RBFOX1: variants seen among roughly 807,000 people sequenced by gnomAD.
The protein encoded by RBFOX1 is RNA binding protein fox-1 homolog 1.
A neutral mutation model predicts 57.7 loss-of-function variants in RBFOX1; 8 were observed. The ratio of observed to expected loss-of-function variants is 0.14; its 90% confidence interval spans 0.08 to 0.25. RBFOX1 has a LOEUF of 0.25. Among genes scored for constraint, RBFOX1 ranks in the 10% least tolerant of loss-of-function variants. RBFOX1 has a pLI of 1.00. For missense variants in RBFOX1, 611 were observed against 548.5 expected (o/e 1.11, Z -1.14); for synonymous variants, 326 against 222.4 (o/e 1.47, Z -4.15).
At position 6,774,733 on chromosome 16, in the gene RBFOX1, ATTAG is replaced by A. The variant is rs137932281; in HGVS notation, c.-16+120087_-16+120090del. ...TAATTTTATAATACTAATTATAACT[ATTAG>A]TTAATTAGTTCAACTGTTGAGTTGA... On this transcript the variant is annotated intron_variant, in intron 3 of 15. Transcript: ENST00000550418. 0.023 allele frequency among the ~76,000 whole-genome samples: 3,475 copies of A among 152,090 alleles called. 255 individuals are homozygous for A. The East Asian group carries it at 0.28, about 12-fold the overall frequency.
At chr16:7,624,287 A>T (rs750447437) in intron 10 of RBFOX1, among the ~76,000 whole-genome samples, 1 of 152,250 alleles carries the variant, frequency 6.6e-6, no homozygotes. Context: ...TTATGATAGA[A>T]TTATATAGCA....
chr16:7,621,231 C>T (rs1196003320), intron 10 of RBFOX1, among the ~76,000 whole-genome samples: 1 of 152,082 alleles, frequency 6.6e-6, no homozygotes, highest in Non-Finnish European at 1.5e-5. Flanking sequence ...AATTGATAGA[C>T]CTCCACAAAT....
chr16:5,964,131 T>C (rs1420851174), intron 4 of RBFOX1, among the ~76,000 whole-genome samples: 2 of 152,060 alleles, frequency 1.3e-5, no homozygotes, highest in Non-Finnish European at 2.9e-5. Context: ...GACACACAAA[T>C]GGACCACAGG....
intron 3 of RBFOX1, among the ~76,000 whole-genome samples, chr16:5,636,551 GT>G (rs5815260): frequency 0.5 from 75,987 of 151,776 alleles, 23,273 homozygotes; most frequent in Non-Finnish European, 0.7. Flanking sequence ...GGTCAGGGTT[GT>G]CATGTTTTTC....
At chr16:5,548,169 AAAAAAAT>A (rs1192056670) in intron 2 of RBFOX1, among the ~76,000 whole-genome samples, 43 of 43,092 alleles carry the variant, frequency 1.0e-3, no homozygotes, top group South Asian at 5.2e-3. Context: ...AAAAAAAAAA[AAAAAAAT>A]ATATATATAT....
At chr16:5,825,366 C>G (rs181928844) in intron 3 of RBFOX1, among the ~76,000 whole-genome samples, 1 of 152,186 alleles carries the variant, frequency 6.6e-6, no homozygotes, top group Non-Finnish European at 1.5e-5. Context: ...GCAGATTCCA[C>G]CTTCATGCTC....
chr16:5,763,508 C>T (rs1368477585), intron 3 of RBFOX1, among the ~76,000 whole-genome samples: 1 of 152,208 alleles, frequency 6.6e-6, no homozygotes, highest in Non-Finnish European at 1.5e-5. Flanking sequence ...ATGAAGGGGG[C>T]ATGTCTTTAC....
At chr16:6,986,879 A>T (rs1162902825) in intron 3 of RBFOX1, among the ~76,000 whole-genome samples, 1 of 152,090 alleles carries the variant, frequency 6.6e-6, no homozygotes, top group Non-Finnish European at 1.5e-5. Context: ...GAATCCTAGA[A>T]TCTCAAGTTG....
intron 2 of RBFOX1, among the ~76,000 whole-genome samples, chr16:6,399,148 G>A (rs1189794957): frequency 6.6e-6 from 1 of 152,200 alleles, no homozygotes; most frequent in African/African-American, 2.4e-5. Flanking sequence ...TTTAACCATG[G>A]CTGGAGCTGA....
intron 4 of RBFOX1, among the ~76,000 whole-genome samples, chr16:7,122,349 G>C (rs1218062049): frequency 6.6e-6 from 1 of 152,050 alleles, no homozygotes; most frequent in Non-Finnish European, 1.5e-5. Context: ...GACTTGAATA[G>C]TCACTTCACT....
chr16:6,235,017 A>G (rs1479814765), intron 1 of RBFOX1, among the ~76,000 whole-genome samples: 3 of 152,176 alleles, frequency 2.0e-5, no homozygotes, highest in African/African-American at 7.2e-5. Flanking sequence ...TTTCAAAATA[A>G]AGGTAAAAAG....
intron 1 of RBFOX1, among the ~76,000 whole-genome samples, chr16:6,084,652 G>T (rs1157643365): frequency 1.3e-5 from 2 of 152,124 alleles, no homozygotes; most frequent in African/African-American, 2.4e-5. Context: ...GAAAAAGTAA[G>T]CCTGCTCTCT....
At chr16:6,525,512 G>A (rs866074719) in intron 2 of RBFOX1, among the ~76,000 whole-genome samples, 2 of 152,180 alleles carry the variant, frequency 1.3e-5, no homozygotes, top group Non-Finnish European at 2.9e-5. Context: ...GTTGGTTGGT[G>A]CTGCTATAAC....
At chr16:5,495,587 T>C (rs1280660045) in intron 2 of RBFOX1, among the ~76,000 whole-genome samples, 1 of 152,166 alleles carries the variant, frequency 6.6e-6, no homozygotes, top group Non-Finnish European at 1.5e-5. Context: ...GAGAAGACCC[T>C]GAAAACTGGA....
intron 5 of RBFOX1, among the ~76,000 whole-genome samples, chr16:7,520,902 T>C (rs930926501): frequency 1.3e-5 from 2 of 151,258 alleles, no homozygotes; most frequent in African/African-American, 2.4e-5. Flanking sequence ...TTCACAAATA[T>C]TTATTAAGCT....
chr16:6,903,702 C>G lies in RBFOX1; in HGVS notation c.-15-148355C>G, dbSNP rs934070065. On this transcript the variant is annotated intron_variant, in intron 3 of 15. Transcript: ENST00000550418. Reference sequence around the variant, plus strand: ...ATGCCTTTCAGAAAGTCTTTAAGGGCAGCAGAGCAAGCACTGGGAGGGACT... The same window carrying G: ...ATGCCTTTCAGAAAGTCTTTAAGGGGAGCAGAGCAAGCACTGGGAGGGACT... Among the ~76,000 whole-genome samples, 6 of 152,190 alleles carry G rather than the reference C, an allele frequency of 3.9e-5. No individual in the cohort carries two copies. The South Asian group carries it at 8.3e-4, about 21-fold the overall frequency.
intron 4 of RBFOX1, among the ~76,000 whole-genome samples, chr16:7,514,236 C>G (rs1433071098): frequency 1.3e-5 from 2 of 152,126 alleles, no homozygotes; most frequent in African/African-American, 4.8e-5. Flanking sequence ...GGGTGTGTTC[C>G]AATAAAACTT....
At chr16:5,911,870 C>T (rs1300785679) in intron 4 of RBFOX1, among the ~76,000 whole-genome samples, 1 of 152,090 alleles carries the variant, frequency 6.6e-6, no homozygotes, top group African/African-American at 2.4e-5. Flanking sequence ...GGCCTCATAC[C>T]CTCCCTAAAG....
At chr16:6,985,187 C>T (rs961094244) in intron 3 of RBFOX1, among the ~76,000 whole-genome samples, 1 of 151,814 alleles carries the variant, frequency 6.6e-6, no homozygotes, top group Admixed American at 6.6e-5. Flanking sequence ...AAAATGTGAT[C>T]ACATTCTATT....
Sources: gnomAD v4.1 joint callset for allele counts (sites outside exome capture counted in the v4.1 genomes callset) on GRCh38, gnomAD v4.1.1 for gene constraint, MANE v1.5 for transcripts, NCBI Gene and HGNC (gene_info 2026-07-23, HGNC 2026-07-21) for gene names.